The following TRABD2B variants were observed in gnomAD, a reference collection of about 807,000 sequenced individuals.
The protein encoded by TRABD2B is TraB domain containing 2B.
A neutral mutation model predicts 40.1 loss-of-function variants in TRABD2B; 14 were observed. The observed-to-expected ratio is 0.35, with a 90% CI of 0.23 to 0.55. The LOEUF (loss-of-function observed/expected upper bound fraction) is 0.55, where lower values mean the gene tolerates loss of function less well. TRABD2B is among the 20% of genes least tolerant of loss of function. The pLI, the probability that TRABD2B is intolerant of heterozygous loss-of-function variation, is 0.90. For missense variants in TRABD2B, 541 were observed against 648.6 expected (o/e 0.83, Z 1.80); for synonymous variants, 263 against 277.0 (o/e 0.95, Z 0.50).
intron 2 of TRABD2B, among the ~76,000 whole-genome samples, chr1:47,962,426 T>C (rs979416513): frequency 6.6e-6 from 1 of 152,112 alleles, no homozygotes; most frequent in Non-Finnish European, 1.5e-5. Context: ...CAGCAATAGA[T>C]TATTTCCTAT....
chr1:47,876,333 T>A (rs943583148), intron 2 of TRABD2B, among the ~76,000 whole-genome samples: 2 of 152,238 alleles, frequency 1.3e-5, no homozygotes, highest in South Asian at 4.2e-4. Flanking sequence ...TTGCCCTGAC[T>A]TGAGAGAACA....
intron 2 of TRABD2B, among the ~76,000 whole-genome samples, chr1:47,937,869 A>G (rs550612607): frequency 1.1e-3 from 174 of 152,284 alleles, no homozygotes; most frequent in Admixed American, 3.9e-3. Flanking sequence ...AGATAAATCA[A>G]ATGCTCCAGA....
At chr1:47,984,059 A>C (rs1645880958) in intron 2 of TRABD2B, among the ~76,000 whole-genome samples, 1 of 152,254 alleles carries the variant, frequency 6.6e-6, no homozygotes, top group Admixed American at 6.5e-5. Context: ...GGCTTAAATT[A>C]CTAACGGCCA....
chr1:47,902,417 TC>T (rs766222829), intron 2 of TRABD2B, among the ~76,000 whole-genome samples: 16 of 151,064 alleles, frequency 1.1e-4, no homozygotes, highest in Non-Finnish European at 2.2e-4. Context: ...CGAGAAGGAG[TC>T]CAGGGTCCTC....
intron 3 of TRABD2B, among the ~76,000 whole-genome samples, chr1:47,801,034 G>A (rs1644816696): frequency 6.6e-6 from 1 of 152,196 alleles, no homozygotes; most frequent in Admixed American, 6.5e-5. Flanking sequence ...AGCCCCTTGG[G>A]TTCTACTTGC....
intron 2 of TRABD2B, among the ~76,000 whole-genome samples, chr1:47,890,028 T>A (rs776704262): frequency 7.2e-5 from 11 of 152,310 alleles, no homozygotes; most frequent in Non-Finnish European, 1.2e-4. Context: ...TGGCTGAGTC[T>A]CCTTTTTCTC....
chr1:47,992,074 A>C (rs561578126), intron 2 of TRABD2B, among the ~76,000 whole-genome samples: 1 of 152,324 alleles, frequency 6.6e-6, no homozygotes, highest in South Asian at 2.1e-4. Context: ...TATGGAGATT[A>C]GGGAACTAAG....
At chr1:47,844,052 A>G (rs1213571977) in intron 2 of TRABD2B, among the ~76,000 whole-genome samples, 1 of 152,216 alleles carries the variant, frequency 6.6e-6, no homozygotes, top group Admixed American at 6.5e-5. Context: ...GAAAAGCTGG[A>G]GCTCGGAAGC....
chr1:47,935,371 C>T (rs1322448385), intron 2 of TRABD2B, among the ~76,000 whole-genome samples: 3 of 152,200 alleles, frequency 2.0e-5, no homozygotes, highest in Admixed American at 6.5e-5. Context: ...TTAAGCCTTA[C>T]ACCACATGTG....
At chr1:47,825,491 C>T (rs1025327356) in intron 2 of TRABD2B, among the ~76,000 whole-genome samples, 2 of 152,228 alleles carry the variant, frequency 1.3e-5, no homozygotes, top group African/African-American at 2.4e-5. Flanking sequence ...CTATGCCCTC[C>T]ACCTAGAAGG....
At chr1:47,975,947 G>A (rs1367128245) in intron 2 of TRABD2B, among the ~76,000 whole-genome samples, 1 of 152,166 alleles carries the variant, frequency 6.6e-6, no homozygotes, top group Non-Finnish European at 1.5e-5. Flanking sequence ...AACTGCAGAT[G>A]GTAGTCTGAG....
intron 2 of TRABD2B, among the ~76,000 whole-genome samples, chr1:47,968,202 T>C (rs1046338046): frequency 5.9e-5 from 9 of 152,240 alleles, no homozygotes; most frequent in Admixed American, 5.9e-4. Context: ...CCCAAACAAA[T>C]AACATCCCTG....
At position 47,868,461 on chromosome 1, in the gene TRABD2B, G is replaced by A. The variant is rs539109614; in HGVS notation, c.667-66842C>T. Reference sequence around the variant, plus strand: ...CTGGTACATGTCCATGGCCTGCGAGGAACTGGGCCACACAGCAGGAGGTGA... The same window carrying A: ...CTGGTACATGTCCATGGCCTGCGAGAAACTGGGCCACACAGCAGGAGGTGA... On this transcript the variant is annotated intron_variant, in intron 2 of 6. Transcript: ENST00000606738. 1.2e-4 allele frequency among the ~76,000 whole-genome samples: 19 copies of A among 152,274 alleles called. No individual in the cohort carries two copies. The South Asian group carries it at 3.9e-3, about 32-fold the overall frequency.
At chr1:47,984,751 C>T (rs1393383492) in intron 2 of TRABD2B, among the ~76,000 whole-genome samples, 1 of 152,100 alleles carries the variant, frequency 6.6e-6, no homozygotes, top group Non-Finnish European at 1.5e-5. Flanking sequence ...TCCAGGAAGC[C>T]TTCCTGGATC....
intron 2 of TRABD2B, among the ~76,000 whole-genome samples, chr1:47,902,841 A>T (rs1644620904): frequency 6.6e-6 from 1 of 152,232 alleles, no homozygotes; most frequent in South Asian, 2.1e-4. Context: ...AAATGTGGCT[A>T]TTGAGACTGA....
intron 2 of TRABD2B, among the ~76,000 whole-genome samples, chr1:47,965,387 T>G (rs1314443911): frequency 6.8e-6 from 1 of 148,114 alleles, no homozygotes; most frequent in African/African-American, 2.5e-5. Flanking sequence ...TCTCCTTCCC[T>G]GCAAAAAAAA....
chr1:47,946,275 T>G (rs145814058), intron 2 of TRABD2B, among the ~76,000 whole-genome samples: 61 of 152,212 alleles, frequency 4.0e-4, no homozygotes, highest in Non-Finnish European at 2.5e-4. Flanking sequence ...TCTTTATATA[T>G]TCTAAAGACA....
intron 2 of TRABD2B, among the ~76,000 whole-genome samples, chr1:47,924,900 C>T (rs1035104393): frequency 2.6e-5 from 4 of 152,198 alleles, no homozygotes; most frequent in South Asian, 4.1e-4. Flanking sequence ...GACTAAGAAC[C>T]TACTCCTGTG....
chr1:47,840,798 G>A (rs1645386229), intron 2 of TRABD2B, among the ~76,000 whole-genome samples: 1 of 152,140 alleles, frequency 6.6e-6, no homozygotes, highest in African/African-American at 2.4e-5. Context: ...ATTTCTCAAG[G>A]ATTAAGAAAA....
Sources: allele counts gnomAD v4.1 joint callset (sites outside exome capture counted in the v4.1 genomes callset), GRCh38; gene constraint gnomAD v4.1.1; transcripts MANE v1.5; gene names NCBI Gene and HGNC (gene_info 2026-07-23, HGNC 2026-07-21).